SLC10A7: variants seen among roughly 807,000 people sequenced by gnomAD.
SLC10A7 encodes sodium/bile acid cotransporter 7.
Under a neutral mutation model 43.2 loss-of-function variants are expected in SLC10A7, and 29 were observed. The ratio of observed to expected loss-of-function variants is 0.67; its 90% CI spans 0.50 to 0.92. SLC10A7 has a LOEUF of 0.92. Among genes scored for constraint, SLC10A7 ranks in the 40% least tolerant of loss-of-function variants. SLC10A7 has a pLI of 0.00. For synonymous variants in SLC10A7, 152 were observed against 144.8 expected (o/e 1.05, Z -0.35); for missense variants, 295 against 403.2 (o/e 0.73, Z 2.30).
chr4:146,285,142 C>T (rs968568921), intron 9 of SLC10A7, among the ~76,000 whole-genome samples: 2 of 152,008 alleles, frequency 1.3e-5, no homozygotes, highest in Non-Finnish European at 2.9e-5. Flanking sequence ...TGCAGGGACA[C>T]TGGCTTATGA....
intron 2 of SLC10A7, among the ~76,000 whole-genome samples, 197 bp from the exon 3 acceptor site, chr4:146,510,246 G>A (rs181404022): frequency 1.2e-4 from 18 of 147,962 alleles, no homozygotes; most frequent in Admixed American, 2.0e-4. Context: ...AAGTATTTTT[G>A]TTTAAAATTT....
intron 5 of SLC10A7, among the ~76,000 whole-genome samples, chr4:146,393,259 T>C (rs1738580347): frequency 6.7e-6 from 1 of 150,092 alleles, no homozygotes; most frequent in Non-Finnish European, 1.5e-5. Context: ...TTAGGCATTA[T>C]GCTCCATTCT....
At chr4:146,275,135 T>C (rs1194133901) in intron 10 of SLC10A7, among the ~76,000 whole-genome samples, 2 of 152,228 alleles carry the variant, frequency 1.3e-5, no homozygotes, top group Admixed American at 6.5e-5. Flanking sequence ...ATCAGGGTTT[T>C]ATCCTTAAAA....
At chr4:146,480,509 A>G (rs895319737) in intron 4 of SLC10A7, among the ~76,000 whole-genome samples, 2 of 152,194 alleles carry the variant, frequency 1.3e-5, no homozygotes, top group Non-Finnish European at 2.9e-5. Flanking sequence ...CTCCATTGTC[A>G]TTAGCAGGCA....
Position 146,283,481 on chromosome 4 carries a change from T to C in SLC10A7, c.774-216A>G, listed in dbSNP as rs546301937. 1.9e-3 allele frequency among the ~76,000 whole-genome samples: 294 copies of C among 152,238 alleles called. 2 individuals carry two copies. The highest frequency in any genetic ancestry group is 6.4e-3 in the African/African-American group (265 of 41,552). On this transcript the variant is annotated intron_variant, in intron 9 of 11. Coordinates refer to ENST00000335472, the MANE Select transcript of SLC10A7 (RefSeq NM_001029998.6). Reference sequence around the variant, plus strand: ...ATGAAAAGGAGAACAGTTGTAAAAATGTGTGGTGGAGGTCGCCTAAGATCA... The same window carrying C: ...ATGAAAAGGAGAACAGTTGTAAAAACGTGTGGTGGAGGTCGCCTAAGATCA...
intron 4 of SLC10A7, among the ~76,000 whole-genome samples, chr4:146,492,606 G>A (rs569742904): frequency 1.8e-3 from 272 of 152,214 alleles, no homozygotes; most frequent in African/African-American, 6.4e-3. Flanking sequence ...TCCTAAGCTC[G>A]TGATCCACTG....
chr4:146,381,511 T>C (rs1737622292), intron 5 of SLC10A7, among the ~76,000 whole-genome samples: 1 of 152,092 alleles, frequency 6.6e-6, no homozygotes, highest in Admixed American at 6.6e-5. Flanking sequence ...TAGGGAGAGA[T>C]TGCAGATAAC....
chr4:146,371,559 C>T (rs191223918), intron 5 of SLC10A7, among the ~76,000 whole-genome samples: 13 of 152,212 alleles, frequency 8.5e-5, no homozygotes, highest in East Asian at 5.8e-4. Context: ...CTAAAAAGTA[C>T]GCGATGTGTT....
chr4:146,397,141 T>A (rs547372440), intron 5 of SLC10A7, among the ~76,000 whole-genome samples: 3 of 152,322 alleles, frequency 2.0e-5, no homozygotes, highest in South Asian at 4.1e-4. Context: ...GTTGTTTTTT[T>A]AAAGTATTTA....
At chr4:146,377,972 A>T (rs933711898) in intron 5 of SLC10A7, among the ~76,000 whole-genome samples, 1 of 152,246 alleles carries the variant, frequency 6.6e-6, no homozygotes, top group African/African-American at 2.4e-5. Flanking sequence ...TGGGAAAAAT[A>T]AAAAGAATAG....
At chr4:146,507,300 G>A (rs903924547) in intron 3 of SLC10A7, among the ~76,000 whole-genome samples, 36 of 152,226 alleles carry the variant, frequency 2.4e-4, no homozygotes, top group African/African-American at 8.4e-4. Context: ...AGTGGCTCAC[G>A]CCTTTAATCC....
Position 146,254,181 on chromosome 4 carries a change from A to G in SLC10A7, c.*2310T>C, listed in dbSNP as rs1727785460. 1 of 152,158 alleles carries G rather than the reference A, an allele frequency of 6.6e-6. No individual in the cohort carries two copies. Among genetic ancestry groups the G allele is most frequent in the South Asian group, 2.1e-4 (1 of 4,826 alleles). 9.4% of individuals were successfully genotyped at this position (152,158 alleles called of 1,614,324 possible). Reference sequence around the variant, plus strand: ...AAAAACCCACAAAAATTTTAATACTAAGAAAAAACATGAAAATACCAACAT... The same window carrying G: ...AAAAACCCACAAAAATTTTAATACTGAGAAAAAACATGAAAATACCAACAT... On this transcript the variant is annotated 3_prime_UTR_variant, in exon 12 of 12. Transcript: ENST00000335472.
intron 6 of SLC10A7, among the ~76,000 whole-genome samples, chr4:146,307,122 G>A (rs1295445956): frequency 1.3e-5 from 2 of 152,066 alleles, no homozygotes; most frequent in African/African-American, 4.8e-5. Context: ...CTGCATGAAT[G>A]GTTTACAAAA....
intron 4 of SLC10A7, among the ~76,000 whole-genome samples, chr4:146,489,608 G>A (rs10519809): frequency 0.058 from 8,882 of 152,172 alleles, 814 homozygotes; most frequent in African/African-American, 0.2. Context: ...CTAAATCCAC[G>A]TAGGGCAAAG....
intron 5 of SLC10A7, among the ~76,000 whole-genome samples, chr4:146,341,307 C>A (rs1356601848): frequency 3.3e-5 from 5 of 151,644 alleles, no homozygotes; most frequent in Non-Finnish European, 1.5e-5. Context: ...TTCAATATAA[C>A]TGAGTTCCAA....
chr4:146,302,122 T>A (rs1731202421), intron 7 of SLC10A7, among the ~76,000 whole-genome samples: 1 of 152,200 alleles, frequency 6.6e-6, no homozygotes, highest in African/African-American at 2.4e-5. Flanking sequence ...GCCAAGCATT[T>A]ATTATTAATA....
At chr4:146,256,631 G>T in intron 11 of SLC10A7, 111 bp from the exon 12 acceptor site, 2 of 1,208,664 alleles carry the variant, frequency 1.7e-6, no homozygotes, top group Non-Finnish European at 2.4e-6. Flanking sequence ...GGCCCACCCA[G>T]ATGGCATCAT....
chr4:146,459,686 G>A (rs1315481475), intron 4 of SLC10A7, among the ~76,000 whole-genome samples: 1 of 150,332 alleles, frequency 6.7e-6, no homozygotes, highest in African/African-American at 2.4e-5. Flanking sequence ...ATGGATCATA[G>A]ACCTAAACAT....
rs201575454 is a variant in SLC10A7, at chr4:146,505,612, G to GA, written c.321-1689dup. 6.6e-5 allele frequency among the ~76,000 whole-genome samples: 10 copies of GA among 151,952 alleles called. No homozygotes were observed. The East Asian group carries it at 1.9e-3, about 29-fold the overall frequency. ...GGATTCAACATTAGCTCTGAAATAG[G>GA]AAAAAAATGTTTAAACTCGTTTTGA... On this transcript the variant is annotated intron_variant, in intron 3 of 11. Coordinates refer to ENST00000335472, the MANE Select transcript of SLC10A7 (RefSeq NM_001029998.6).
Sources: allele counts gnomAD v4.1 joint callset (sites outside exome capture counted in the v4.1 genomes callset), GRCh38; gene constraint gnomAD v4.1.1; transcripts MANE v1.5; gene names NCBI Gene and HGNC (gene_info 2026-07-23, HGNC 2026-07-21).